Variants in PTPRD observed in about 807,000 individuals in gnomAD.
PTPRD encodes the protein receptor-type tyrosine-protein phosphatase delta.
In PTPRD, 34 loss-of-function variants were observed where a neutral mutation model predicts 214.5. The observed-to-expected ratio is 0.16, with a 90% CI of 0.12 to 0.21. The LOEUF (loss-of-function observed/expected upper bound fraction) is 0.21. Among genes scored for constraint, PTPRD ranks in the 10% least tolerant of loss-of-function variants. PTPRD has a pLI of 1.00. For synonymous variants in PTPRD, 1,128 were observed against 845.7 expected, an observed-to-expected ratio of 1.33 and a Z score of -5.79; for missense variants, 2,545 against 2,398.7, an observed-to-expected ratio of 1.06 and a Z score of -1.27.
chr9:9,243,850 G>A (rs563892965), intron 9 of PTPRD, among the ~76,000 whole-genome samples: 1 of 152,218 alleles, frequency 6.6e-6, no homozygotes, highest in East Asian at 1.9e-4. Context: ...AAGTCAAATT[G>A]TCCCTGTTTG....
intron 33 of PTPRD, among the ~76,000 whole-genome samples, chr9:8,457,391 A>G (rs1220310330): frequency 1.3e-5 from 2 of 152,148 alleles, no homozygotes; most frequent in Non-Finnish European, 2.9e-5. Context: ...AAGATATACC[A>G]AATATATTTT....
intron 3 of PTPRD, among the ~76,000 whole-genome samples, chr9:10,042,653 A>G (rs940978302): frequency 3.9e-5 from 6 of 151,916 alleles, no homozygotes; most frequent in African/African-American, 1.2e-4. Flanking sequence ...GGTAAAATAC[A>G]AAGAACTGAG....
rs1462291587 is a variant in PTPRD, at chr9:8,954,837, C to T, written c.-104+63860G>A. On this transcript the variant is annotated intron_variant, in intron 11 of 45. Coordinates refer to ENST00000381196, the MANE Select transcript of PTPRD (RefSeq NM_002839.4). ...AAAGATTGCATTGAAGAAAAATAAA[C>T]AATTTGAGTAAATATTGAAAATAAT... 4.6e-5 allele frequency among the ~76,000 whole-genome samples: 7 copies of T among 151,910 alleles called. No homozygotes were observed. The South Asian group carries it at 1.5e-3, about 32-fold the overall frequency.
At chr9:8,730,101 A>C (rs941984445) in intron 12 of PTPRD, among the ~76,000 whole-genome samples, 1 of 151,990 alleles carries the variant, frequency 6.6e-6, no homozygotes, top group South Asian at 2.1e-4. Context: ...CTAAATATAC[A>C]GAAAATTAGC....
At chr9:9,346,788 G>A (rs888088917) in intron 9 of PTPRD, among the ~76,000 whole-genome samples, 4 of 151,960 alleles carry the variant, frequency 2.6e-5, no homozygotes, top group Non-Finnish European at 4.4e-5. Flanking sequence ...CACCTCCTGG[G>A]TTCAAGATAT....
chr9:9,662,049 C>G (rs1040293407), intron 7 of PTPRD, among the ~76,000 whole-genome samples: 2 of 151,654 alleles, frequency 1.3e-5, no homozygotes. Flanking sequence ...TAAAGTATAT[C>G]AATGCCAAGT....
intron 9 of PTPRD, among the ~76,000 whole-genome samples, chr9:9,368,673 C>A (rs191207925): frequency 6.6e-6 from 1 of 151,942 alleles, no homozygotes; most frequent in Non-Finnish European, 1.5e-5. Flanking sequence ...GGTAATGACA[C>A]TGAATAATAA....
intron 12 of PTPRD, among the ~76,000 whole-genome samples, chr9:8,730,057 C>T (rs2098637927): frequency 2.0e-5 from 3 of 151,976 alleles, no homozygotes; most frequent in African/African-American, 4.8e-5. Context: ...GAGATCAAGA[C>T]CATCCTGGCT....
At chr9:8,749,239 T>G (rs927527306) in intron 11 of PTPRD, among the ~76,000 whole-genome samples, 2 of 152,210 alleles carry the variant, frequency 1.3e-5, no homozygotes, top group South Asian at 2.1e-4. Context: ...TGGAGTGCAG[T>G]GGCACCATCT....
chr9:9,520,284 AAGTTATATATATATATT>A (rs2096936738), intron 8 of PTPRD, among the ~76,000 whole-genome samples: 3 of 76,256 alleles, frequency 3.9e-5, no homozygotes, highest in Non-Finnish European at 7.9e-5. Flanking sequence ...TATATATATT[AAGTTATATATATATATT>A]AAGTTATATA....
intron 3 of PTPRD, among the ~76,000 whole-genome samples, chr9:10,338,087 G>GAGTCCAA (rs1370380013): frequency 6.6e-6 from 1 of 151,414 alleles, no homozygotes; most frequent in Non-Finnish European, 1.5e-5. Flanking sequence ...ATTCTATTTT[G>GAGTCCAA]AGTCCAAAGA....
intron 9 of PTPRD, among the ~76,000 whole-genome samples, chr9:9,232,314 T>C (rs193049364): frequency 3.7e-4 from 57 of 152,298 alleles, no homozygotes; most frequent in Admixed American, 7.9e-4. Flanking sequence ...GTGAGAACTA[T>C]TGAGAACTGG....
chr9:8,821,177 GA>G, intron 11 of PTPRD, among the ~76,000 whole-genome samples: 1 of 152,284 alleles, frequency 6.6e-6, no homozygotes, highest in South Asian at 2.1e-4. Context: ...TAAGTAGTGA[GA>G]AAAAGGAAAC....
intron 5 of PTPRD, among the ~76,000 whole-genome samples, chr9:9,837,899 C>T (rs2057249257): frequency 6.6e-6 from 1 of 152,154 alleles, no homozygotes; most frequent in South Asian, 2.1e-4. Flanking sequence ...GGTATATCTC[C>T]TAATGTTATC....
intron 14 of PTPRD, among the ~76,000 whole-genome samples, chr9:8,627,281 T>A (rs2096073771): frequency 1.3e-5 from 2 of 149,908 alleles, no homozygotes; most frequent in South Asian, 4.1e-4. Flanking sequence ...CTGTCACACG[T>A]ACTGCAGCAG....
intron 11 of PTPRD, among the ~76,000 whole-genome samples, chr9:8,784,053 G>C (rs919966298): frequency 1.3e-5 from 2 of 152,086 alleles, no homozygotes; most frequent in Admixed American, 6.6e-5. Context: ...CAATGAATTA[G>C]CAACAAATCC....
At chr9:10,355,479 C>CTTTTT (rs1273617961) in intron 2 of PTPRD, among the ~76,000 whole-genome samples, 8 of 136,714 alleles carry the variant, frequency 5.9e-5, no homozygotes, top group Non-Finnish European at 8.0e-5. Context: ...TATTTCTTTT[C>CTTTTT]TTTTTTTTTT....
intron 11 of PTPRD, among the ~76,000 whole-genome samples, chr9:8,904,645 C>G (rs1259261304): frequency 6.8e-6 from 1 of 147,782 alleles, no homozygotes; most frequent in East Asian, 2.0e-4. Context: ...GCACTCCAGC[C>G]TGGGTAGCAG....
intron 14 of PTPRD, among the ~76,000 whole-genome samples, chr9:8,592,613 T>C (rs1390308904): frequency 6.6e-6 from 1 of 152,090 alleles, no homozygotes; most frequent in African/African-American, 2.4e-5. Context: ...CTCACCAAAA[T>C]AATAAGCAGG....
Sources: allele counts gnomAD v4.1 joint callset (sites outside exome capture counted in the v4.1 genomes callset), GRCh38; gene constraint gnomAD v4.1.1; transcripts MANE v1.5; gene names NCBI Gene and HGNC (gene_info 2026-07-23, HGNC 2026-07-21).